Variants in USP8 observed in about 807,000 individuals in gnomAD.
USP8 encodes ubiquitin specific peptidase 8.
Under a neutral mutation model 130.0 loss-of-function variants are expected in USP8, and 27 were observed. That is an observed-to-expected ratio of 0.21 (90% CI 0.15 to 0.29). The LOEUF (loss-of-function observed/expected upper bound fraction) is 0.29. Among genes scored for constraint, USP8 ranks in the 10% least tolerant of loss-of-function variants. The pLI is 1.00. For missense variants in USP8, 1,029 were observed against 1,312.2 expected, an observed-to-expected ratio of 0.78 and a Z score of 3.33; for synonymous variants, 392 against 444.1, an observed-to-expected ratio of 0.88 and a Z score of 1.48.
chr15:50,440,263 G>T (rs1396686318), intron 2 of USP8, among the ~76,000 whole-genome samples: 2 of 152,200 alleles, frequency 1.3e-5, no homozygotes, highest in African/African-American at 4.8e-5. Context: ...TCAGGCCTAA[G>T]ACCGTTTATT....
Position 50,509,687 on chromosome 15 carries a change from A to G in USP8, c.*10599A>G, listed in dbSNP as rs919036583. 3.3e-5 allele frequency: 5 copies of G among 152,124 alleles called. No individual in the cohort carries two copies. The highest frequency in any genetic ancestry group is 5.9e-5 in the Non-Finnish European group (4 of 68,002). 9.4% of individuals were successfully genotyped at this position (152,124 alleles called of 1,614,324 possible). On this transcript the variant is annotated 3_prime_UTR_variant, in exon 20 of 20. Coordinates refer to ENST00000307179, the MANE Select transcript of USP8 (RefSeq NM_005154.5). The stretch of plus-strand genomic sequence containing the variant: ...AATAAAATAAAATAAAAAAGAGACA[A>G]GTCAACGATAAAATTAAAAATGAAA...
intron 12 of USP8, among the ~76,000 whole-genome samples, chr15:50,486,735 TG>T (rs1306219847): frequency 6.6e-6 from 1 of 152,134 alleles, no homozygotes; most frequent in African/African-American, 2.4e-5. Flanking sequence ...AATGATACAA[TG>T]GACTTTGGGG....
At chr15:50,492,370 A>G (rs1329685166) in intron 14 of USP8, among the ~76,000 whole-genome samples, 1 of 152,142 alleles carries the variant, frequency 6.6e-6, no homozygotes, top group East Asian at 1.9e-4. Context: ...TCCAGGGATC[A>G]TTTAAAGGAG....
At position 50,433,115 on chromosome 15, in the gene USP8, G is replaced by A. The variant is rs541656663; in HGVS notation, c.-65-5894G>A. 1.1e-4 allele frequency among the ~76,000 whole-genome samples: 17 copies of A among 152,100 alleles called. No individual in the cohort carries two copies. The South Asian group carries it at 2.5e-3, about 22-fold the overall frequency. ...AATTAGTGGGGCATGGTGGCGGGGC[G>A]CCTGTAATCTCAGTTACTTGGGAGG... On this transcript the variant is annotated intron_variant, in intron 1 of 19. Coordinates refer to ENST00000307179, the MANE Select transcript of USP8 (RefSeq NM_005154.5).
intron 1 of USP8, among the ~76,000 whole-genome samples, chr15:50,430,073 G>A (rs1448323006): frequency 1.3e-5 from 2 of 152,186 alleles, no homozygotes; most frequent in African/African-American, 4.8e-5. Context: ...TTACCGTTAT[G>A]TACTTAACTT....
rs2052571716 is a variant in USP8 at position 50,500,827 on chromosome 15, C to A, written c.*1739C>A. 1 of 1,581,664 alleles carries A rather than the reference C, an allele frequency of 6.3e-7. No homozygotes were observed. Among genetic ancestry groups the A allele is most frequent in the Admixed American group, 1.8e-5 (1 of 54,858 alleles). On this transcript the variant is annotated 3_prime_UTR_variant, in exon 20 of 20. Coordinates refer to ENST00000307179, the MANE Select transcript of USP8 (RefSeq NM_005154.5). The stretch of plus-strand genomic sequence containing the variant: ...AGTGTAGTGGCCACCATCCAAATCA[C>A]CAAAATGGTTCTATGGGAGAAAGGA...
chr15:50,483,409 T>C (rs1286856376), intron 11 of USP8, among the ~76,000 whole-genome samples: 1 of 152,248 alleles, frequency 6.6e-6, no homozygotes, highest in Non-Finnish European at 1.5e-5. Context: ...TAATTTATTC[T>C]AGAATAAATT....
chr15:50,429,281 A>G (rs1199843784), intron 1 of USP8, among the ~76,000 whole-genome samples: 1 of 148,956 alleles, frequency 6.7e-6, no homozygotes, highest in African/African-American at 2.5e-5. Context: ...AACAAGAGTT[A>G]TGGGCATAAG....
In USP8 at chr15:50,500,458, GC is replaced by G. The variant is rs2141335687; in HGVS notation, c.*1372del. 3.9e-6 allele frequency: 1 copy of G among 259,320 alleles called. No individual in the cohort carries two copies. The highest frequency in any genetic ancestry group is 2.2e-5 in the African/African-American group (1 of 46,494). 16.1% of individuals were successfully genotyped at this position (259,320 alleles called of 1,614,324 possible). ...ATTAGCATTGCATTATATTCACACTGCCTTTTTTAGTGAACCAAGACCCATC... is the reference window on the plus strand; with the variant it reads ...ATTAGCATTGCATTATATTCACACTGCTTTTTTAGTGAACCAAGACCCATC... On this transcript the variant is annotated 3_prime_UTR_variant, in exon 20 of 20. Transcript: ENST00000307179.
At chr15:50,448,521 AT>A (rs375945346) in intron 3 of USP8, among the ~76,000 whole-genome samples, 648 of 143,600 alleles carry the variant, frequency 4.5e-3, no homozygotes, top group Middle Eastern at 7.3e-3. Flanking sequence ...TAAAGGTGGA[AT>A]TTTTTTTTTT....
At position 50,492,906 on chromosome 15, in the gene USP8, A is replaced by G. The variant is rs780544435; in HGVS notation, c.2440A>G (p.Ile814Val). The part of the protein sequence containing the change: ...YFNRNCYQDD[I>V]NRSNLLGHKG... The stretch of plus-strand genomic sequence containing the variant: ...CAACCGAAACTGTTATCAGGATGAT[A>G]TTAACAGGTAAATACATGTCATACT... The change falls in exon 15 of 20, where the codon ATT (isoleucine) becomes GTT (valine). Residue 814 changes from isoleucine to valine, a missense_variant. Physicochemically the swap from Ile to Val is conservative, Grantham distance 29. Transcript: ENST00000307179. 2.5e-6 allele frequency: 4 copies of G among 1,613,444 alleles called. No homozygotes were observed. The highest frequency in any genetic ancestry group is 1.6e-4 in the Middle Eastern group (1 of 6,082).
intron 3 of USP8, among the ~76,000 whole-genome samples, chr15:50,442,467 G>C (rs1268506642): frequency 6.6e-6 from 1 of 151,650 alleles, no homozygotes; most frequent in Non-Finnish European, 1.5e-5. Flanking sequence ...AGAATGCTGG[G>C]CACGGTGGTT....
At chr15:50,469,883 G>A (rs984104588) in intron 7 of USP8, among the ~76,000 whole-genome samples, 13 of 149,890 alleles carry the variant, frequency 8.7e-5, no homozygotes, top group Non-Finnish European at 1.8e-4. Flanking sequence ...CCAGGCTGGA[G>A]TGCAGTGGCG....
At chr15:50,428,476 A>C (rs1178160246) in intron 1 of USP8, among the ~76,000 whole-genome samples, 1 of 152,218 alleles carries the variant, frequency 6.6e-6, no homozygotes, top group Non-Finnish European at 1.5e-5. Flanking sequence ...ATATGTTTCA[A>C]GACCTCCAAT....
chr15:50,469,188 A>G (rs1056901548), intron 7 of USP8, among the ~76,000 whole-genome samples: 2 of 152,184 alleles, frequency 1.3e-5, no homozygotes, highest in Admixed American at 6.5e-5. Context: ...TATTTTATTT[A>G]TCTTCAGACA....
chr15:50,494,835 C>T, intron 16 of USP8, among the ~76,000 whole-genome samples: 1 of 151,938 alleles, frequency 6.6e-6, no homozygotes, highest in East Asian at 1.9e-4. Context: ...GCCAACATGG[C>T]AAAACCTCGT....
intron 2 of USP8, among the ~76,000 whole-genome samples, chr15:50,439,738 C>G (rs974568826): frequency 6.7e-6 from 1 of 150,140 alleles, no homozygotes; most frequent in Admixed American, 6.7e-5. Context: ...TTCGGTGAGC[C>G]GAGATTGTGC....
chr15:50,440,855 A>G (rs2050232056), intron 2 of USP8, among the ~76,000 whole-genome samples: 1 of 152,056 alleles, frequency 6.6e-6, no homozygotes, highest in Non-Finnish European at 1.5e-5. Flanking sequence ...CTAAAAAATT[A>G]GCCAGGCATG....
Position 50,448,189 on chromosome 15 carries a change from G to A in USP8, c.250-1211G>A, listed in dbSNP as rs367964439. On this transcript the variant is annotated intron_variant, in intron 3 of 19. Coordinates refer to ENST00000307179, the MANE Select transcript of USP8 (RefSeq NM_005154.5). ...CAGCTCTTCATGACTGAGAGCCAAA[G>A]ATAGGTACTTCTGACCTACAACCCT... 2.0e-4 allele frequency among the ~76,000 whole-genome samples: 30 copies of A among 152,298 alleles called. No homozygotes were observed. The Middle Eastern group carries it at 0.01, about 52-fold the overall frequency.
Sources: gnomAD v4.1 joint callset for allele counts (sites outside exome capture counted in the v4.1 genomes callset) on GRCh38, gnomAD v4.1.1 for gene constraint, MANE v1.5 for transcripts, NCBI Gene and HGNC (gene_info 2026-07-23, HGNC 2026-07-21) for gene names.